ALKBH1: variants seen among roughly 807,000 people sequenced by gnomAD.
The protein encoded by ALKBH1 is nucleic acid dioxygenase ALKBH1.
Under a neutral mutation model 36.6 loss-of-function variants are expected in ALKBH1, and 31 were observed. The observed-to-expected ratio is 0.85, with a 90% CI of 0.64 to 1.14. ALKBH1 has a LOEUF of 1.14. ALKBH1 is among the 50% of genes most tolerant of loss of function. The probability of loss-of-function intolerance (pLI) is 0.00; values close to 1 mark genes in which losing one functional copy is unlikely to be tolerated. For synonymous variants in ALKBH1, 183 were observed against 186.6 expected (o/e 0.98, Z 0.16); for missense variants, 490 against 497.3 (o/e 0.99, Z 0.14).
intron 3 of ALKBH1, among the ~76,000 whole-genome samples, chr14:77,682,869 G>A (rs1215539766): frequency 6.6e-6 from 1 of 152,000 alleles, no homozygotes; most frequent in Non-Finnish European, 1.5e-5. Context: ...GCTAATTTTT[G>A]TATTTTTTGT....
Position 77,707,713 on chromosome 14 carries a change from G to C in ALKBH1, c.183+109C>G. Reference sequence around the variant, plus strand: ...CTGCAGCCAAAGGAGGTCAGGAATCGTTCAATAACAATCGGTCTGGAGGTG... The same window carrying C: ...CTGCAGCCAAAGGAGGTCAGGAATCCTTCAATAACAATCGGTCTGGAGGTG... On this transcript the variant is annotated intron_variant, in intron 1 of 5. Transcript: ENST00000216489. 3 of 1,302,386 alleles carry C rather than the reference G, an allele frequency of 2.3e-6. No homozygotes were observed. The South Asian group carries it at 4.8e-5, about 21-fold the overall frequency. The allele number at this position is 1,302,386 out of a possible 1,614,324, so 80.7% of individuals were successfully genotyped here. A position where few individuals can be genotyped will look rare whatever the true frequency, so the allele number is the denominator to read the frequency against.
rs2080182666 is a variant in ALKBH1 at position 77,672,730 on chromosome 14, C to T, written c.*1082G>A. The stretch of plus-strand genomic sequence containing the variant: ...GTATCTTCATTTTATGATGAGGAAA[C>T]CGAGGTCCAGAGAAATGTAAAGTAA... On this transcript the variant is annotated 3_prime_UTR_variant, in exon 6 of 6. Transcript: ENST00000216489. 6.6e-6 allele frequency: 1 copy of T among 152,166 alleles called. No individual in the cohort carries two copies. The highest frequency in any genetic ancestry group is 1.5e-5 in the Non-Finnish European group (1 of 68,036). 9.4% of individuals were successfully genotyped at this position (152,166 alleles called of 1,614,324 possible).
intron 3 of ALKBH1, among the ~76,000 whole-genome samples, chr14:77,689,011 C>T (rs1566814523): frequency 6.6e-6 from 1 of 152,218 alleles, no homozygotes; most frequent in African/African-American, 2.4e-5. Context: ...AAAGTCCACA[C>T]TCTTAGATGA....
In ALKBH1 at chr14:77,679,931, C is replaced by T; in HGVS notation, c.495G>A (p.Leu165=). 2 of 1,614,168 alleles carry T rather than the reference C, an allele frequency of 1.2e-6. No individual in the cohort carries two copies. Among genetic ancestry groups the T allele is most frequent in the Non-Finnish European group, 1.7e-6 (2 of 1,179,994 alleles). ...EATKRRPRSL[L]EKLRWVTVGY... ...CTACGGTCACCCAACGCAGTTTCTCCAGTAAACTTCGGGGTCTCCGTTTAG... is the reference window on the plus strand; with the variant it reads ...CTACGGTCACCCAACGCAGTTTCTCTAGTAAACTTCGGGGTCTCCGTTTAG... The change falls in exon 4 of 6, where the codon CTG becomes CTA. Residue 165 remains leucine (L), a synonymous_variant. Transcript: ENST00000216489.
chr14:77,673,955 C>T lies in ALKBH1; in HGVS notation c.1027G>A (p.Val343Ile). Residue 343 changes from valine (V) to isoleucine (I), a missense_variant, in exon 6 of 6, where the codon GTC becomes ATC. Transcript: ENST00000216489. Reference protein sequence around the residue: ...YLKTARVNMTVRQVLATDQNF... With the variant: ...YLKTARVNMTIRQVLATDQNF... The stretch of plus-strand genomic sequence containing the variant: ...TGGTCTGTGGCCAGGACCTGTCGGA[C>T]AGTCATGTTAACACGAGCGGTCTTC... 6.2e-7 allele frequency: 1 copy of T among 1,614,164 alleles called. No individual in the cohort carries two copies.
Position 77,673,789 on chromosome 14 carries a change from A to G in ALKBH1, c.*23T>C. On this transcript the variant is annotated 3_prime_UTR_variant, in exon 6 of 6. Transcript: ENST00000216489. ...ATTTACGGTAAGCAGGTGCCTGAGT[A>G]AAAAGGATGGGATCTCCAAGTCTCA... 2 of 1,596,230 alleles carry G rather than the reference A, an allele frequency of 1.3e-6. No homozygotes were observed. The highest frequency in any genetic ancestry group is 1.7e-6 in the Non-Finnish European group (2 of 1,169,634).
At chr14:77,680,682 T>C (rs1231870513) in intron 3 of ALKBH1, among the ~76,000 whole-genome samples, 27 of 148,290 alleles carry the variant, frequency 1.8e-4, no homozygotes, top group Admixed American at 2.7e-4. Flanking sequence ...CTACTCTTTT[T>C]TTTTTTTTTT....
At chr14:77,674,686 G>C (rs55734921) in intron 5 of ALKBH1, among the ~76,000 whole-genome samples, 9,669 of 152,138 alleles carry the variant, frequency 0.064, 419 homozygotes, top group Middle Eastern at 0.1. Flanking sequence ...CAGAGTAGCA[G>C]GGATTACAGG....
intron 3 of ALKBH1, among the ~76,000 whole-genome samples, chr14:77,681,193 A>G (rs2139846633): frequency 6.6e-6 from 1 of 152,280 alleles, no homozygotes; most frequent in Middle Eastern, 3.4e-3. Flanking sequence ...ATGTAATAGA[A>G]AGTCTAAGGA....
chr14:77,687,637 T>C (rs7147516), intron 3 of ALKBH1, among the ~76,000 whole-genome samples: 24,441 of 152,106 alleles, frequency 0.16, 2,053 homozygotes, highest in East Asian at 0.26. Context: ...CACCAATTAA[T>C]TGTCAAATCC....
At chr14:77,692,948 G>C (rs908133961) in intron 3 of ALKBH1, among the ~76,000 whole-genome samples, 1 of 151,652 alleles carries the variant, frequency 6.6e-6, no homozygotes. Context: ...CCTTACACCT[G>C]TAATCCCAGC....
chr14:77,694,150 T>C (rs879485573), intron 3 of ALKBH1, among the ~76,000 whole-genome samples: 2 of 152,240 alleles, frequency 1.3e-5, no homozygotes, highest in Non-Finnish European at 2.9e-5. Context: ...TAATGCATTC[T>C]TGCCAGAGAC....
chr14:77,677,070 C>T (rs1473848025), intron 4 of ALKBH1, among the ~76,000 whole-genome samples: 3 of 150,270 alleles, frequency 2.0e-5, no homozygotes, highest in African/African-American at 4.9e-5. Context: ...GACTGAGTCT[C>T]GTTCTGTCAC....
intron 1 of ALKBH1, among the ~76,000 whole-genome samples, chr14:77,705,274 G>A (rs1201417150): frequency 1.3e-5 from 2 of 151,890 alleles, no homozygotes; most frequent in East Asian, 1.9e-4. Context: ...TTAGTTGGGT[G>A]TAGTGGCGGG....
chr14:77,691,742 G>A (rs919358967), intron 3 of ALKBH1: 2 of 152,152 alleles, frequency 1.3e-5, no homozygotes, highest in African/African-American at 4.8e-5. Flanking sequence ...ATTGTTTACA[G>A]GATGATTTAT....
At chr14:77,679,776 A>C (rs1051764323) in intron 4 of ALKBH1, 104 bp downstream of exon 4, 12 of 879,592 alleles carry the variant, frequency 1.4e-5, no homozygotes, top group Non-Finnish European at 2.0e-5. Context: ...TCCTCCCACA[A>C]ATGTATAATC....
intron 4 of ALKBH1, among the ~76,000 whole-genome samples, chr14:77,676,162 ATT>A (rs67783226): frequency 1.9e-3 from 269 of 144,340 alleles, no homozygotes; most frequent in Non-Finnish European, 2.1e-3. Flanking sequence ...TGCCTGGCTA[ATT>A]TTTTTTTTTT....
At chr14:77,683,475 G>A in intron 3 of ALKBH1, 1 of 724,536 alleles carries the variant, frequency 1.4e-6, no homozygotes, top group Admixed American at 1.8e-5. Context: ...CAGCATGCTG[G>A]GGAACACTGT....
rs751177275 is a variant in ALKBH1 at position 77,707,872 on chromosome 14, C to G, written c.133G>C (p.Asp45His). ...CGGGCTGCGTGGGCCGCCGAGAAGT[C>G]GATGACCCCTTCCAGGTCTGCGGTC... ...PGTADLEGVI[D>H]FSAAHAARGK... The change falls in exon 1 of 6, where the codon GAC becomes CAC. Residue 45 changes from aspartate to histidine, a missense_variant. Coordinates refer to ENST00000216489, the MANE Select transcript of ALKBH1 (RefSeq NM_006020.3). 1.2e-6 allele frequency: 2 copies of G among 1,613,200 alleles called. No individual in the cohort carries two copies. Among genetic ancestry groups the G allele is most frequent in the Non-Finnish European group, 1.7e-6 (2 of 1,179,730 alleles).
Sources: gnomAD v4.1 joint callset for allele counts (sites outside exome capture counted in the v4.1 genomes callset) on GRCh38, gnomAD v4.1.1 for gene constraint, MANE v1.5 for transcripts, NCBI Gene and HGNC (gene_info 2026-07-23, HGNC 2026-07-21) for gene names.